Variants in THSD7B observed in about 807,000 individuals in gnomAD.
THSD7B encodes the protein thrombospondin type-1 domain-containing protein 7B.
In THSD7B, 138 loss-of-function variants were observed where a neutral mutation model predicts 213.6. The observed-to-expected ratio is 0.65, with a 90% confidence interval of 0.56 to 0.74. The LOEUF is 0.74. Among genes scored for constraint, THSD7B ranks in the 30% least tolerant of loss-of-function variants. The pLI, the probability that THSD7B is intolerant of heterozygous loss-of-function variation, is 0.00. For synonymous variants in THSD7B, 742 were observed against 687.0 expected (o/e 1.08, Z -1.25); for missense variants, 1,931 against 1,991.5 (o/e 0.97, Z 0.58).
intron 15 of THSD7B, among the ~76,000 whole-genome samples, chr2:137,554,906 C>A (rs1269822041): frequency 6.6e-6 from 1 of 152,168 alleles, no homozygotes; most frequent in Non-Finnish European, 1.5e-5. Flanking sequence ...ATGTCCCGAC[C>A]CAGGCTCGGA....
chr2:137,146,625 AGAG>A (rs1275885299), intron 5 of THSD7B, among the ~76,000 whole-genome samples: 1 of 152,164 alleles, frequency 6.6e-6, no homozygotes, highest in Admixed American at 6.6e-5. Flanking sequence ...CATTCTCAGT[AGAG>A]GTGATATCAC....
At position 137,232,625 on chromosome 2, in the gene THSD7B, T is replaced by G. The variant is rs151049254; in HGVS notation, c.1916-274T>G. On this transcript the variant is annotated intron_variant, in intron 8 of 27. Transcript: ENST00000409968. ...CTTTGGAGTTTATCTCAGAGATACATGCTGCAGTGGTGGGCAACAGAGTCA... is the reference window on the plus strand; with the variant it reads ...CTTTGGAGTTTATCTCAGAGATACAGGCTGCAGTGGTGGGCAACAGAGTCA... Among the ~76,000 whole-genome samples the G allele has an allele frequency of 3.1e-3, 470 of 152,320 alleles. 4 individuals are homozygous for G. Among genetic ancestry groups the G allele is most frequent in the African/African-American group, 0.011 (448 of 41,572 alleles).
intron 3 of THSD7B, among the ~76,000 whole-genome samples, chr2:137,082,240 G>A (rs113223290): frequency 4.6e-5 from 7 of 152,134 alleles, no homozygotes; most frequent in African/African-American, 1.4e-4. Context: ...CACGCACTGG[G>A]TGACATTCAT....
intron 7 of THSD7B, 141 bp from the exon 8 acceptor site, chr2:137,230,903 G>C: frequency 1.3e-6 from 1 of 756,276 alleles, no homozygotes; most frequent in Non-Finnish European, 2.1e-6. Flanking sequence ...TTATCTCCTG[G>C]CAGTTTTTTC....
chr2:137,521,600 G>C (rs184135285), intron 15 of THSD7B, among the ~76,000 whole-genome samples: 2 of 152,164 alleles, frequency 1.3e-5, no homozygotes, highest in Non-Finnish European at 2.9e-5. Flanking sequence ...GGGGAATAAA[G>C]TTGTTAGTGT....
intron 10 of THSD7B, among the ~76,000 whole-genome samples, chr2:137,265,669 G>A (rs1682571702): frequency 6.6e-6 from 1 of 152,180 alleles, no homozygotes; most frequent in Non-Finnish European, 1.5e-5. Flanking sequence ...GAATAGCAGT[G>A]CAGTCCGTCT....
At chr2:137,556,366 A>G (rs6761072) in intron 15 of THSD7B, among the ~76,000 whole-genome samples, 83,449 of 151,950 alleles carry the variant, frequency 0.55, 24,430 homozygotes, top group African/African-American at 0.76. Context: ...CTACAAGCCA[A>G]AAGAGAGTGG....
In THSD7B at chr2:136,777,245, T is replaced by A. The variant is rs561393175; in HGVS notation, c.-36+11558T>A. On this transcript the variant is annotated intron_variant, in intron 1 of 27. Transcript: ENST00000409968. ...GTGATGTAGTGAAATTGAAGGTTAC[T>A]CATAATGTACTGTCAGAAGTTCATG... Among the ~76,000 whole-genome samples, 4 of 152,254 alleles carry A rather than the reference T, an allele frequency of 2.6e-5. No homozygotes were observed. The East Asian group carries it at 5.8e-4, about 22-fold the overall frequency.
rs776660976 is a variant in THSD7B, at chr2:137,618,373, G to T, written c.3566-19G>T. The T allele has an allele frequency of 1.9e-6, 3 of 1,609,322 alleles. No individual in the cohort carries two copies. Among genetic ancestry groups the T allele is most frequent in the Non-Finnish European group, 2.5e-6 (3 of 1,176,518 alleles). ...GGCCATAATTTTGAAACTCAGTGTG[G>T]GTGATCCTATGCCTGTAGAGTGGAG... is the stretch of plus-strand genomic sequence containing the variant. On this transcript the variant is annotated intron_variant, in intron 18 of 27. Transcript: ENST00000409968.
intron 12 of THSD7B, among the ~76,000 whole-genome samples, chr2:137,300,651 T>G (rs1683575917): frequency 6.6e-6 from 1 of 152,142 alleles, no homozygotes; most frequent in African/African-American, 2.4e-5. Context: ...AGATGGATGA[T>G]TTATACGAAT....
At chr2:136,909,918 G>A (rs1362676918) in intron 2 of THSD7B, among the ~76,000 whole-genome samples, 1 of 152,124 alleles carries the variant, frequency 6.6e-6, no homozygotes, top group East Asian at 1.9e-4. Flanking sequence ...CATAATGGGA[G>A]GGCATGCTGA....
chr2:137,041,702 G>A (rs1344978610), intron 2 of THSD7B, among the ~76,000 whole-genome samples: 1 of 150,846 alleles, frequency 6.6e-6, no homozygotes, highest in African/African-American at 2.4e-5. Flanking sequence ...AGCCAATTCT[G>A]TTTCTTATGT....
chr2:137,265,916 C>T (rs1347611074), intron 10 of THSD7B, among the ~76,000 whole-genome samples: 2 of 152,140 alleles, frequency 1.3e-5, no homozygotes, highest in African/African-American at 4.8e-5. Flanking sequence ...ATCCATTCCT[C>T]TCCAATAATA....
chr2:137,570,564 G>T (rs1681334656), intron 16 of THSD7B, among the ~76,000 whole-genome samples: 1 of 152,116 alleles, frequency 6.6e-6, no homozygotes, highest in African/African-American at 2.4e-5. Context: ...GTGTATAAAA[G>T]AAACTCTTAA....
chr2:137,560,725 A>G (rs1298706233), intron 15 of THSD7B, among the ~76,000 whole-genome samples: 3 of 152,038 alleles, frequency 2.0e-5, no homozygotes, highest in Admixed American at 2.0e-4. Context: ...ATATATATAT[A>G]TATAAAGAAA....
intron 1 of THSD7B, among the ~76,000 whole-genome samples, chr2:136,807,909 T>G (rs1682312652): frequency 6.6e-6 from 1 of 152,192 alleles, no homozygotes; most frequent in Non-Finnish European, 1.5e-5. Context: ...AACTGAAATC[T>G]GGGAACTGGA....
intron 27 of THSD7B, among the ~76,000 whole-genome samples, chr2:137,675,065 T>C (rs556900211): frequency 2.0e-5 from 3 of 152,058 alleles, no homozygotes; most frequent in South Asian, 2.1e-4. Flanking sequence ...AGCCATTAAG[T>C]GTAAGAAGCC....
chr2:137,663,104 G>C (rs1169734424), intron 25 of THSD7B, among the ~76,000 whole-genome samples: 1 of 151,122 alleles, frequency 6.6e-6, no homozygotes, highest in East Asian at 1.9e-4. Flanking sequence ...GAAAAGCATA[G>C]TTAATTAACT....
intron 7 of THSD7B, among the ~76,000 whole-genome samples, chr2:137,196,668 A>G (rs926977322): frequency 6.6e-6 from 1 of 152,096 alleles, no homozygotes; most frequent in Non-Finnish European, 1.5e-5. Flanking sequence ...CTGATAGTTC[A>G]CTGTACAAGA....
Sources: gnomAD v4.1 joint callset for allele counts (sites outside exome capture counted in the v4.1 genomes callset) on GRCh38, gnomAD v4.1.1 for gene constraint, MANE v1.5 for transcripts, NCBI Gene and HGNC (gene_info 2026-07-23, HGNC 2026-07-21) for gene names.